Variants in KDM4B observed in about 807,000 individuals in gnomAD.
KDM4B encodes lysine-specific demethylase 4B.
KDM4B carries 32 observed loss-of-function variants against 125.2 expected under a neutral mutation model. The ratio of observed to expected loss-of-function variants is 0.26; its 90% confidence interval spans 0.19 to 0.34. The LOEUF is 0.34. Among genes scored for constraint, KDM4B ranks in the 10% least tolerant of loss-of-function variants. KDM4B has a pLI of 1.00. For missense variants in KDM4B, 1,190 were observed against 1,577.7 expected, an observed-to-expected ratio of 0.75 and a Z score of 4.16; for synonymous variants, 721 against 677.9, an observed-to-expected ratio of 1.06 and a Z score of -0.99.
rs375061934 is a variant in KDM4B, at chr19:5,144,167, G to A, written c.2736+15G>A. On this transcript the variant is annotated intron_variant, in intron 19 of 22. Coordinates refer to ENST00000159111, the MANE Select transcript of KDM4B (RefSeq NM_015015.3). The stretch of plus-strand genomic sequence containing the variant: ...GGGGTCACGCTGTGAGTGCCTGCCC[G>A]CCTCCTTGCCCCCAGCCCCTGGCTC... 289 of 1,592,456 alleles carry A rather than the reference G, an allele frequency of 1.8e-4. 1 individual carries two copies. The South Asian group carries it at 2.2e-3, about 12-fold the overall frequency.
rs1243966840 is a variant in KDM4B, at chr19:5,152,079, A to C, written c.*568A>C. The C allele has an allele frequency of 6.6e-6, 1 of 151,366 alleles. No individual in the cohort carries two copies. 9.4% of individuals were successfully genotyped at this position (151,366 alleles called of 1,614,324 possible). A position where few individuals can be genotyped will look rare whatever the true frequency, so the allele number is the denominator to read the frequency against. On this transcript the variant is annotated 3_prime_UTR_variant, in exon 23 of 23. Coordinates refer to ENST00000159111, the MANE Select transcript of KDM4B (RefSeq NM_015015.3). ...TGATTTGGCTACAGACCAGGCAGGG[A>C]AAGAGACCCGGTAATTGGAGGGTGA...
chr19:5,117,421 G>T (rs1199258326), intron 10 of KDM4B, among the ~76,000 whole-genome samples: 1 of 152,104 alleles, frequency 6.6e-6, no homozygotes, highest in Non-Finnish European at 1.5e-5. Context: ...CCTTCTGCTG[G>T]TGCTGTCTGG....
chr19:5,115,566 G>A lies in KDM4B; in HGVS notation c.1116-4087G>A, dbSNP rs966843710. ...CCCAGCTCACACACGGCTTGGCACCGTGCACAGAGGGATCAACGGCCAGGG... is the reference window on the plus strand; with the variant it reads ...CCCAGCTCACACACGGCTTGGCACCATGCACAGAGGGATCAACGGCCAGGG... On this transcript the variant is annotated intron_variant, in intron 10 of 22. Transcript: ENST00000159111. This position sits in a 1 kb window ranked among gnomAD's most constrained non-coding sequence, Gnocchi z 4.2. Among the ~76,000 whole-genome samples, 2 of 152,214 alleles carry A rather than the reference G, an allele frequency of 1.3e-5. No individual in the cohort carries two copies. The highest frequency in any genetic ancestry group is 2.9e-5 in the Non-Finnish European group (2 of 68,034).
chr19:5,145,402 G>A (rs1204492163), intron 21 of KDM4B, among the ~76,000 whole-genome samples: 1 of 152,034 alleles, frequency 6.6e-6, no homozygotes, highest in Admixed American at 6.6e-5. Flanking sequence ...CCAACATGGT[G>A]AAACCCTGTC....
chr19:5,136,193 G>A (rs2039645722), intron 15 of KDM4B, among the ~76,000 whole-genome samples: 1 of 152,198 alleles, frequency 6.6e-6, no homozygotes, highest in Admixed American at 6.5e-5. Flanking sequence ...CGCTACGCCT[G>A]TGATTTGTGG....
At chr19:4,992,351 G>A (rs2035057512) in intron 1 of KDM4B, among the ~76,000 whole-genome samples, 1 of 152,128 alleles carries the variant, frequency 6.6e-6, no homozygotes, top group Admixed American at 6.5e-5. Flanking sequence ...AGTGTCTTAA[G>A]GGAGATGCTT....
intron 22 of KDM4B, 152 bp downstream of exon 22, chr19:5,150,602 GGTCCAT>G: frequency 1.7e-6 from 1 of 597,536 alleles, no homozygotes; most frequent in Non-Finnish European, 2.9e-6. Flanking sequence ...CAGCACAGCT[GGTCCAT>G]GGGCTCCTGG....
At chr19:5,063,382 G>A (rs149482478) in intron 6 of KDM4B, among the ~76,000 whole-genome samples, 39 of 152,198 alleles carry the variant, frequency 2.6e-4, no homozygotes, top group African/African-American at 5.8e-4. Flanking sequence ...AAAATATGCC[G>A]GATTCAGAAA....
intron 10 of KDM4B, among the ~76,000 whole-genome samples, chr19:5,117,677 G>C (rs1431079439): frequency 6.6e-6 from 1 of 152,162 alleles, no homozygotes; most frequent in East Asian, 1.9e-4. Context: ...TGTGGAGAAC[G>C]TTCTCTGGAG....
chr19:4,978,192 T>C (rs388022), intron 1 of KDM4B, among the ~76,000 whole-genome samples: 138,981 of 152,124 alleles, frequency 0.91, 63,652 homozygotes, highest in African/African-American at 0.96. Flanking sequence ...GAGGAAGTCG[T>C]TCTCTTGACA....
intron 4 of KDM4B, 102 bp from the exon 5 acceptor site, chr19:5,041,034 CT>C: frequency 1.4e-6 from 1 of 709,916 alleles, no homozygotes; most frequent in Non-Finnish European, 2.4e-6. Context: ...AGCAGAGCCC[CT>C]CCCGCCTCTT....
chr19:5,106,285 C>G (rs954663605), intron 9 of KDM4B, among the ~76,000 whole-genome samples: 2 of 152,204 alleles, frequency 1.3e-5, no homozygotes, highest in African/African-American at 4.8e-5. Context: ...TGCAAGCGTA[C>G]TTGTCTTTCA....
At chr19:5,143,650 C>T (rs2039784802) in intron 18 of KDM4B, among the ~76,000 whole-genome samples, 2 of 152,138 alleles carry the variant, frequency 1.3e-5, no homozygotes, top group South Asian at 2.1e-4. Flanking sequence ...GTGTCTGTCC[C>T]AGCAGTCAGT....
intron 2 of KDM4B, among the ~76,000 whole-genome samples, chr19:5,023,363 C>T (rs975777640): frequency 9.2e-5 from 14 of 152,202 alleles, no homozygotes; most frequent in Non-Finnish European, 1.6e-4. Context: ...TGGAGCTGCT[C>T]GTGGGACGTG....
intron 3 of KDM4B, 123 bp downstream of exon 3, chr19:5,033,154 G>A (rs578077466): frequency 1.7e-6 from 2 of 1,148,974 alleles, no homozygotes; most frequent in African/African-American, 3.1e-5. Context: ...TGTGTTTCGG[G>A]GCCACTCCCA....
At chr19:4,972,715 T>C (rs1440834996) in intron 1 of KDM4B, among the ~76,000 whole-genome samples, 2 of 152,226 alleles carry the variant, frequency 1.3e-5, no homozygotes, top group Non-Finnish European at 1.5e-5. Flanking sequence ...CTCAGCTCCC[T>C]TTCTTTCCTC....
In KDM4B at chr19:5,109,382, G is replaced by C. The variant is rs530351241; in HGVS notation, c.919-1240G>C. Among the ~76,000 whole-genome samples, 3 of 152,314 alleles carry C rather than the reference G, an allele frequency of 2.0e-5. No homozygotes were observed. In the South Asian group the frequency reaches 6.2e-4, roughly 32 times the overall value. On this transcript the variant is annotated intron_variant, in intron 9 of 22. Transcript: ENST00000159111. ...TGGCCCCAAGTCCCTGAAATGTTGAGCATCACCAGGTCACCTGCAGAACAT... is the reference window on the plus strand; with the variant it reads ...TGGCCCCAAGTCCCTGAAATGTTGACCATCACCAGGTCACCTGCAGAACAT...
intron 11 of KDM4B, among the ~76,000 whole-genome samples, chr19:5,127,354 G>T (rs571123730): frequency 1.3e-5 from 2 of 152,216 alleles, no homozygotes; most frequent in African/African-American, 4.8e-5. Flanking sequence ...GTGTGCCGCC[G>T]TCTTTCAGGG....
At chr19:5,136,182 C>T (rs994910526) in intron 15 of KDM4B, among the ~76,000 whole-genome samples, 2 of 152,172 alleles carry the variant, frequency 1.3e-5, no homozygotes, top group African/African-American at 4.8e-5. Flanking sequence ...ACTCAGGCAG[C>T]CGCTACGCCT....
Sources: gnomAD v4.1 joint callset for allele counts (sites outside exome capture counted in the v4.1 genomes callset) on GRCh38, gnomAD v4.1.1 for gene constraint, Gnocchi (gnomAD v3.1) non-coding constraint, MANE v1.5 for transcripts, NCBI Gene and HGNC (gene_info 2026-07-23, HGNC 2026-07-21) for gene names.